CHST15: variants seen among roughly 807,000 people sequenced by gnomAD.
CHST15 encodes carbohydrate sulfotransferase 15.
In CHST15, 30 loss-of-function variants were observed where a neutral mutation model predicts 53.6. That is an observed-to-expected ratio of 0.56 (90% confidence interval 0.42 to 0.76). The LOEUF (loss-of-function observed/expected upper bound fraction) is 0.76, where lower values mean the gene tolerates loss of function less well. Among genes scored for constraint, CHST15 ranks in the 30% least tolerant of loss-of-function variants. The pLI, the probability that CHST15 is intolerant of heterozygous loss-of-function variation, is 0.00. For synonymous variants in CHST15, 296 were observed against 289.8 expected, an observed-to-expected ratio of 1.02 and a Z score of -0.22; for missense variants, 627 against 740.5, an observed-to-expected ratio of 0.85 and a Z score of 1.78.
intron 1 of CHST15, among the ~76,000 whole-genome samples, chr10:124,076,710 A>ATTT (rs11318249): frequency 1.5e-5 from 2 of 137,784 alleles, no homozygotes; most frequent in South Asian, 2.3e-4. Flanking sequence ...TAAATTCTTA[A>ATTT]TTTTTTTTTT....
rs188707127 is a variant in CHST15 at position 124,052,929 on chromosome 10, A to C, written c.-512-6205T>G. Among the ~76,000 whole-genome samples, 180 of 152,236 alleles carry C rather than the reference A, an allele frequency of 1.2e-3. 2 individuals are homozygous for C. Among genetic ancestry groups the C allele is most frequent in the Admixed American group, 0.012 (178 of 15,296 alleles). ...ACACCTGTAATCCACACTACTCAGG[A>C]GGCTGAGACAGGAGAATCATTTGAA... On this transcript the variant is annotated intron_variant, in intron 1 of 7. Coordinates refer to ENST00000435907, the MANE Select transcript of CHST15 (RefSeq NM_001270764.2).
rs1417287039 is a variant in CHST15, at chr10:124,012,364, G to T, written c.1464C>A (p.Thr488=). ...TCAGAAACTGGAAGACCTTGTGCATGGTGTACTTGACGTTGGATGCATGAT... is the reference window on the plus strand; with the variant it reads ...TCAGAAACTGGAAGACCTTGTGCATTGTGTACTTGACGTTGGATGCATGAT... ...LEDHASNVKY[T]MHKVFQFLNL... The change falls in exon 7 of 8, where the codon ACC becomes ACA. Residue 488 remains threonine (T), a synonymous_variant. Transcript: ENST00000435907. 6.2e-7 allele frequency: 1 copy of T among 1,614,046 alleles called. No homozygotes were observed. The highest frequency in any genetic ancestry group is 8.5e-7 in the Non-Finnish European group (1 of 1,180,004).
At chr10:124,088,239 G>A (rs978629554) in intron 1 of CHST15, among the ~76,000 whole-genome samples, 5 of 152,288 alleles carry the variant, frequency 3.3e-5, no homozygotes, top group South Asian at 4.1e-4. Context: ...TCGCTACCCC[G>A]GGCTCCTGCT....
At chr10:124,026,439 A>T (rs745326022) in intron 5 of CHST15, among the ~76,000 whole-genome samples, 1 of 152,256 alleles carries the variant, frequency 6.6e-6, no homozygotes, top group Non-Finnish European at 1.5e-5. Context: ...AACAGCAAAC[A>T]TATCAAGAAC....
At chr10:124,079,208 C>G (rs1349349713) in intron 1 of CHST15, among the ~76,000 whole-genome samples, 1 of 152,136 alleles carries the variant, frequency 6.6e-6, no homozygotes. Context: ...TAGTCAACAA[C>G]ATAAAATGGA....
chr10:124,015,058 T>A (rs748628501), intron 6 of CHST15, among the ~76,000 whole-genome samples: 17 of 152,284 alleles, frequency 1.1e-4, no homozygotes, highest in Non-Finnish European at 1.9e-4. Context: ...CTCTGATCTA[T>A]CTGCTCCAAA....
chr10:124,011,007 A>C (rs1487720251), intron 7 of CHST15: 41 of 984,030 alleles, frequency 4.2e-5, no homozygotes, highest in Non-Finnish European at 4.7e-5. Context: ...ACAGGCTGGC[A>C]GAGGTTGTCA....
intron 1 of CHST15, among the ~76,000 whole-genome samples, chr10:124,079,644 G>C (rs1949177088): frequency 6.6e-6 from 1 of 152,206 alleles, no homozygotes; most frequent in South Asian, 2.1e-4. Context: ...ACAACCAACA[G>C]GAGGGCCCTC....
chr10:124,042,190 C>G, intron 4 of CHST15, 111 bp downstream of exon 4: 6 of 1,129,424 alleles, frequency 5.3e-6, no homozygotes, highest in Admixed American at 2.3e-5. Context: ...AAGAAGTTTG[C>G]TGCCACCATG....
At chr10:124,042,998 A>C (rs28707473) in intron 3 of CHST15, among the ~76,000 whole-genome samples, 29,886 of 152,168 alleles carry the variant, frequency 0.2, 3,464 homozygotes, top group South Asian at 0.28. Context: ...CCAAACAGTA[A>C]GGGGAACTGA....
intron 1 of CHST15, among the ~76,000 whole-genome samples, chr10:124,065,442 T>C (rs1948724044): frequency 6.6e-6 from 1 of 152,234 alleles, no homozygotes; most frequent in Non-Finnish European, 1.5e-5. Flanking sequence ...ATTCTGCCTC[T>C]AGGCTTAGTC....
intron 5 of CHST15, among the ~76,000 whole-genome samples, chr10:124,023,907 A>C (rs1232035593): frequency 6.6e-6 from 1 of 150,888 alleles, no homozygotes; most frequent in African/African-American, 2.4e-5. Context: ...GGAATGGCGC[A>C]ATCTCGGCTC....
chr10:124,086,498 G>A (rs1339959923), intron 1 of CHST15, among the ~76,000 whole-genome samples: 1 of 152,192 alleles, frequency 6.6e-6, no homozygotes, highest in Non-Finnish European at 1.5e-5. Context: ...GAGGCCCTTC[G>A]CCCTGCTGGG....
chr10:124,037,577 G>A (rs1049226638), intron 5 of CHST15, among the ~76,000 whole-genome samples: 10 of 152,150 alleles, frequency 6.6e-5, no homozygotes, highest in Non-Finnish European at 1.3e-4. Context: ...GGGAGCACTG[G>A]ACCAAATAAT....
intron 5 of CHST15, among the ~76,000 whole-genome samples, chr10:124,031,681 AC>A: frequency 6.6e-6 from 1 of 152,296 alleles, no homozygotes; most frequent in African/African-American, 2.4e-5. Flanking sequence ...ATTAGTAATA[AC>A]TGATACCTAA....
intron 5 of CHST15, among the ~76,000 whole-genome samples, chr10:124,023,454 C>T (rs1262007602): frequency 1.3e-5 from 2 of 150,458 alleles, no homozygotes; most frequent in Non-Finnish European, 2.9e-5. Flanking sequence ...CATTGCACTC[C>T]AGCCTGGGCA....
chr10:124,011,187 C>A, intron 7 of CHST15: 1 of 823,498 alleles, frequency 1.2e-6, no homozygotes, highest in Non-Finnish European at 1.5e-6. Context: ...TTGGTGTAAC[C>A]CATCACTGCT....
intron 1 of CHST15, among the ~76,000 whole-genome samples, chr10:124,077,451 T>C (rs1225455759): frequency 6.6e-6 from 1 of 152,222 alleles, no homozygotes; most frequent in Non-Finnish European, 1.5e-5. Flanking sequence ...AGACCATCCC[T>C]GAGGCACTCA....
intron 1 of CHST15, among the ~76,000 whole-genome samples, chr10:124,091,766 C>T (rs1280450511): frequency 6.6e-6 from 1 of 152,020 alleles, no homozygotes; most frequent in East Asian, 1.9e-4. Context: ...GGGCCCCCGC[C>T]CCCAGGAGCT....
Sources: gnomAD v4.1 joint callset for allele counts (sites outside exome capture counted in the v4.1 genomes callset) on GRCh38, gnomAD v4.1.1 for gene constraint, MANE v1.5 for transcripts, NCBI Gene and HGNC (gene_info 2026-07-23, HGNC 2026-07-21) for gene names.